Variants in FBXO38 observed in about 807,000 individuals in gnomAD.
FBXO38 encodes F-box protein 38, also known as F-box only protein 38.
In FBXO38, 53 loss-of-function variants were observed where a neutral mutation model predicts 131.9. The ratio of observed to expected loss-of-function variants is 0.40; its 90% confidence interval spans 0.32 to 0.51. The LOEUF is 0.51. Ranked by LOEUF, FBXO38 falls within the 20% of genes least tolerant of loss-of-function variation. FBXO38 has a pLI of 0.53. For synonymous variants in FBXO38, 452 were observed against 505.6 expected, an observed-to-expected ratio of 0.89 and a Z score of 1.42; for missense variants, 1,076 against 1,475.6, an observed-to-expected ratio of 0.73 and a Z score of 4.44.
chr5:148,398,625 TTC>T (rs1751953448), intron 2 of FBXO38, among the ~76,000 whole-genome samples: 1 of 152,060 alleles, frequency 6.6e-6, no homozygotes, highest in African/African-American at 2.4e-5. Flanking sequence ...AATTGAGTAA[TTC>T]TCTCTGATCT....
intron 6 of FBXO38, 115 bp downstream of exon 6, chr5:148,404,937 TATAAC>T (rs1193198972): frequency 1.3e-5 from 11 of 870,940 alleles, no homozygotes; most frequent in South Asian, 4.5e-5. Flanking sequence ...ATTTATGTCT[TATAAC>T]ATATTCATCT....
chr5:148,403,763 G>A (rs142179432), intron 5 of FBXO38, among the ~76,000 whole-genome samples: 288 of 152,270 alleles, frequency 1.9e-3, no homozygotes, highest in African/African-American at 6.7e-3. Flanking sequence ...GACCATTCAA[G>A]TACTGCAATT....
At chr5:148,390,736 A>G (rs1465531979) in intron 1 of FBXO38, among the ~76,000 whole-genome samples, 1 of 152,158 alleles carries the variant, frequency 6.6e-6, no homozygotes, top group Non-Finnish European at 1.5e-5. Flanking sequence ...TTTAAGGTGC[A>G]GGGTATTTAG....
Position 148,439,644 on chromosome 5 carries a change from C to T in FBXO38, c.3025-3C>T, listed in dbSNP as rs1379259425. 1 of 1,601,818 alleles carries T rather than the reference C, an allele frequency of 6.2e-7. No individual in the cohort carries two copies. The highest frequency in any genetic ancestry group is 2.8e-5 in the East Asian group (1 of 35,844). On this transcript the variant is annotated splice_polypyrimidine_tract_variant and splice_region_variant and intron_variant, in intron 18 of 21. Transcript: ENST00000340253. ...AGACATCTCTTTATGATGTCTTCCA[C>T]AGGTGGACACTCTAACTTTGGAGCA...
At position 148,442,572 on chromosome 5, in the gene FBXO38, T is replaced by G. The variant is rs1128450; in HGVS notation, c.*425T>G. The G allele has an allele frequency of 0.42, 64,220 of 153,534 alleles. 15,882 individuals carry two copies. Among genetic ancestry groups the G allele is most frequent in the African/African-American group, 0.69 (28,492 of 41,456 alleles). 9.5% of individuals were successfully genotyped at this position (153,534 alleles called of 1,614,324 possible). A position where few individuals can be genotyped will look rare whatever the true frequency, so the allele number is the denominator to read the frequency against. On this transcript the variant is annotated 3_prime_UTR_variant, in exon 22 of 22. Transcript: ENST00000340253. Reference sequence around the variant, plus strand: ...ACCTGTTGAAGAGTGTTTGTGTCTTTTGTGCTTTTTTGTTGTTATTAAAAC... The same window carrying G: ...ACCTGTTGAAGAGTGTTTGTGTCTTGTGTGCTTTTTTGTTGTTATTAAAAC...
At chr5:148,423,242 A>G (rs572896282) in intron 12 of FBXO38, among the ~76,000 whole-genome samples, 4 of 152,328 alleles carry the variant, frequency 2.6e-5, no homozygotes, top group East Asian at 3.9e-4. Flanking sequence ...CCACTTGCTC[A>G]TAGTTCCTGT....
At chr5:148,400,141 C>T (rs1752060586) in intron 3 of FBXO38, among the ~76,000 whole-genome samples, 1 of 151,970 alleles carries the variant, frequency 6.6e-6, no homozygotes, top group African/African-American at 2.4e-5. Context: ...ATTGCAAACA[C>T]CTGAGGCTGG....
rs1291968178 is a variant in FBXO38 at position 148,398,952 on chromosome 5, G to A, written c.129-47G>A. On this transcript the variant is annotated intron_variant, in intron 2 of 21. Transcript: ENST00000340253. ...AAAAAAAATAACTTACTGGTGAGAA[G>A]TAATACTTATCCACTTGATAAATAC... The A allele has an allele frequency of 8.7e-6, 14 of 1,605,768 alleles. No homozygotes were observed. In the Admixed American group the frequency reaches 2.3e-4, roughly 27 times the overall value.
chr5:148,415,160 C>T (rs1247052938), intron 10 of FBXO38, among the ~76,000 whole-genome samples: 1 of 152,056 alleles, frequency 6.6e-6, no homozygotes, highest in Non-Finnish European at 1.5e-5. Context: ...GAAATATGAA[C>T]TTTAGGATGT....
At chr5:148,404,313 C>T (rs1453813490) in intron 5 of FBXO38, among the ~76,000 whole-genome samples, 1 of 152,140 alleles carries the variant, frequency 6.6e-6, no homozygotes, top group East Asian at 1.9e-4. Flanking sequence ...TTTGTGTGTT[C>T]CATCTCCATC....
intron 2 of FBXO38, among the ~76,000 whole-genome samples, chr5:148,397,077 GTTTA>G (rs1758519388): frequency 6.6e-6 from 1 of 152,130 alleles, no homozygotes; most frequent in Admixed American, 6.5e-5. Flanking sequence ...AACTTCATGT[GTTTA>G]TTCTAAAAAC....
In FBXO38 at chr5:148,412,017, A is replaced by T. The variant is rs1197077243; in HGVS notation, c.1093+1252A>T. On this transcript the variant is annotated intron_variant, in intron 9 of 21. Transcript: ENST00000340253. Reference sequence around the variant, plus strand: ...ATGGCCAAATTTAGGTCTACTGAAGAATTGTCTTCAAGTGTTAACTTCATA... The same window carrying T: ...ATGGCCAAATTTAGGTCTACTGAAGTATTGTCTTCAAGTGTTAACTTCATA... Among the ~76,000 whole-genome samples, 3 of 152,188 alleles carry T rather than the reference A, an allele frequency of 2.0e-5. No individual in the cohort carries two copies. The East Asian group carries it at 5.8e-4, about 29-fold the overall frequency.
At chr5:148,417,289 C>T in intron 12 of FBXO38, 85 bp downstream of exon 12, 1 of 961,368 alleles carries the variant, frequency 1.0e-6, no homozygotes. Context: ...CCCTTTTTCC[C>T]CTGTTTCAAC....
rs116266000 is a variant in FBXO38 at position 148,427,635 on chromosome 5, C to A, written c.2341C>A (p.Pro781Thr). The change falls in exon 15 of 22, where the codon CCC becomes ACC. Residue 781 changes from proline to threonine, a missense_variant. Transcript: ENST00000340253. ...SVCPRCCCHR[P>T]QESQRRTSRC... ...CTGCCCCAGATGCTGCTGTCACAGG[C>A]CCCAGGAATCCCAAAGGAGAACTAG... 2 of 1,614,022 alleles carry A rather than the reference C, an allele frequency of 1.2e-6. No individual in the cohort carries two copies. The highest frequency in any genetic ancestry group is 1.7e-6 in the Non-Finnish European group (2 of 1,180,022).
chr5:148,421,649 A>G (rs1431550211), intron 12 of FBXO38, among the ~76,000 whole-genome samples: 1 of 152,178 alleles, frequency 6.6e-6, no homozygotes, highest in Non-Finnish European at 1.5e-5. Flanking sequence ...ACATATATAT[A>G]TAACTTTCTG....
chr5:148,423,892 A>G lies in FBXO38; in HGVS notation c.1619-106A>G, dbSNP rs184140269. 1.5e-4 allele frequency: 137 copies of G among 941,216 alleles called. No individual in the cohort carries two copies. In the African/African-American group the frequency reaches 2.0e-3, roughly 14 times the overall value. 58.3% of individuals were successfully genotyped at this position (941,216 alleles called of 1,614,324 possible). A position where few individuals can be genotyped will look rare whatever the true frequency, so the allele number is the denominator to read the frequency against. ...TATGCTGTTCTTTCAGGGCAGGCCT[A>G]GTAATCAGCGGGACTGTTCAGTTCT... is the stretch of plus-strand genomic sequence containing the variant. On this transcript the variant is annotated intron_variant, in intron 12 of 21. Coordinates refer to ENST00000340253, the MANE Select transcript of FBXO38 (RefSeq NM_205836.3).
At chr5:148,430,531 A>G (rs751284084) in intron 15 of FBXO38, 1 of 151,770 alleles carries the variant, frequency 6.6e-6, no homozygotes, top group Non-Finnish European at 1.5e-5. Context: ...GGGTTTCACC[A>G]TGTTGGTCAG....
At position 148,404,004 on chromosome 5, in the gene FBXO38, A is replaced by T. The variant is rs75429452; in HGVS notation, c.593-681A>T. ...CTTCTGGTCATGGTCCTCTGTGGAT[A>T]TGATTCCTAGTATTAAGCCACTCCT... On this transcript the variant is annotated intron_variant, in intron 5 of 21. Coordinates refer to ENST00000340253, the MANE Select transcript of FBXO38 (RefSeq NM_205836.3). 8.1e-3 allele frequency among the ~76,000 whole-genome samples: 1,234 copies of T among 152,204 alleles called. 21 individuals carry two copies. The highest frequency in any genetic ancestry group is 0.028 in the African/African-American group (1,181 of 41,522).
intron 15 of FBXO38, 45 bp from the exon 16 acceptor site, chr5:148,433,379 A>G (rs1251536230): frequency 7.1e-7 from 1 of 1,401,548 alleles, no homozygotes; most frequent in Admixed American, 1.8e-5. Flanking sequence ...GAGGGAAAGA[A>G]AGCAAGGCTA....
Sources: allele counts gnomAD v4.1 joint callset (sites outside exome capture counted in the v4.1 genomes callset), GRCh38; gene constraint gnomAD v4.1.1; transcripts MANE v1.5; gene names NCBI Gene and HGNC (gene_info 2026-07-23, HGNC 2026-07-21).